FAM168B: variants seen among roughly 807,000 people sequenced by gnomAD.
The protein encoded by FAM168B is myelin-associated neurite-outgrowth inhibitor.
In FAM168B, 19 loss-of-function variants were observed where a neutral mutation model predicts 21.8. That is an observed-to-expected ratio of 0.87 (90% confidence interval 0.61 to 1.28). FAM168B has a LOEUF of 1.28. Ranked by LOEUF, FAM168B falls within the 50% of genes most tolerant of loss-of-function variation. The pLI is 0.00. For synonymous variants in FAM168B, 126 were observed against 104.8 expected (o/e 1.20, Z -1.24); for missense variants, 233 against 263.1 (o/e 0.89, Z 0.79).
At chr2:131,065,675 G>A (rs1424683362) in intron 3 of FAM168B, among the ~76,000 whole-genome samples, 2 of 151,762 alleles carry the variant, frequency 1.3e-5, no homozygotes, top group Non-Finnish European at 2.9e-5. Context: ...TGTAATTCCA[G>A]CTTCTCAGGA....
chr2:131,067,355 T>C (rs1201372305), intron 3 of FAM168B, among the ~76,000 whole-genome samples: 1 of 152,184 alleles, frequency 6.6e-6, no homozygotes, highest in African/African-American at 2.4e-5. Flanking sequence ...ACGTGGCATT[T>C]GGATTACAAA....
At chr2:131,055,884 CGT>C (rs1274747861) in intron 3 of FAM168B, among the ~76,000 whole-genome samples, 189 bp from the exon 4 acceptor site, 2 of 152,042 alleles carry the variant, frequency 1.3e-5, no homozygotes, top group African/African-American at 2.4e-5. Flanking sequence ...TGTGCATGCA[CGT>C]GTGTGTGGTG....
In FAM168B at chr2:131,082,561, A is replaced by G; in HGVS notation, c.70+16T>C. 6.3e-7 allele frequency: 1 copy of G among 1,575,264 alleles called. No homozygotes were observed. The highest frequency in any genetic ancestry group is 8.6e-7 in the Non-Finnish European group (1 of 1,158,732). The stretch of plus-strand genomic sequence containing the variant: ...ATTCAAAGTTCAAAAATGAAAACAA[A>G]ATTTTACTTACTTACCTGGATAACC... On this transcript the variant is annotated intron_variant, in intron 2 of 6. Coordinates refer to ENST00000389915, the MANE Select transcript of FAM168B (RefSeq NM_001009993.4).
At chr2:131,085,080 G>C (rs968526378) in intron 1 of FAM168B, among the ~76,000 whole-genome samples, 1 of 152,154 alleles carries the variant, frequency 6.6e-6, no homozygotes, top group East Asian at 1.9e-4. Context: ...GATTAAAACA[G>C]CATGTGTGGG....
chr2:131,051,113 G>C lies in FAM168B; in HGVS notation c.*1352C>G. 1 of 985,420 alleles carries C rather than the reference G, an allele frequency of 1.0e-6. No individual in the cohort carries two copies. Among genetic ancestry groups the C allele is most frequent in the African/African-American group, 1.7e-5 (1 of 57,332 alleles). The allele number at this position is 985,420 out of a possible 1,614,324, so 61.0% of individuals were successfully genotyped here. A position where few individuals can be genotyped will look rare whatever the true frequency, so the allele number is the denominator to read the frequency against. On this transcript the variant is annotated 3_prime_UTR_variant, in exon 7 of 7. Transcript: ENST00000389915. The stretch of plus-strand genomic sequence containing the variant: ...CCAGCACTGCCTGGCCCTCTCTGCT[G>C]TCTGTGCTTGCTTTGTGCCAAGTGC...
chr2:131,090,151 C>CAAAAAAAAAA (rs59428455), intron 1 of FAM168B, among the ~76,000 whole-genome samples: 26 of 118,552 alleles, frequency 2.2e-4, no homozygotes, highest in Non-Finnish European at 2.7e-4. Context: ...ACCAAAAATA[C>CAAAAAAAAAA]AAAAAAAAAA....
intron 3 of FAM168B, among the ~76,000 whole-genome samples, chr2:131,056,663 T>A (rs1692038455): frequency 6.6e-6 from 1 of 152,134 alleles, no homozygotes; most frequent in Non-Finnish European, 1.5e-5. Flanking sequence ...GATCAAAAGC[T>A]GGCAATGGCC....
chr2:131,070,320 C>T (rs1226963857), intron 3 of FAM168B, among the ~76,000 whole-genome samples: 1 of 152,176 alleles, frequency 6.6e-6, no homozygotes, highest in African/African-American at 2.4e-5. Context: ...CAAAGACATA[C>T]AGAAGGCAAA....
At chr2:131,053,077 T>A (rs918147025) in intron 5 of FAM168B, 62 bp from the exon 6 acceptor site, 1 of 1,486,942 alleles carries the variant, frequency 6.7e-7, no homozygotes, top group Non-Finnish European at 9.0e-7. Flanking sequence ...CACTGCCTGA[T>A]ACGCACACAA....
chr2:131,061,638 AGGCTTGGT>A (rs1281790917), intron 3 of FAM168B, among the ~76,000 whole-genome samples: 1 of 152,140 alleles, frequency 6.6e-6, no homozygotes, highest in East Asian at 1.9e-4. Flanking sequence ...AAAGTTAGCC[AGGCTTGGT>A]GGCCACACGA....
At chr2:131,076,776 C>T (rs916826779) in intron 2 of FAM168B, among the ~76,000 whole-genome samples, 1 of 152,012 alleles carries the variant, frequency 6.6e-6, no homozygotes, top group African/African-American at 2.4e-5. Flanking sequence ...AGACAAAGGG[C>T]TAGTACACTT....
At chr2:131,079,852 C>A (rs1693344512) in intron 2 of FAM168B, among the ~76,000 whole-genome samples, 2 of 152,134 alleles carry the variant, frequency 1.3e-5, no homozygotes, top group Admixed American at 1.3e-4. Flanking sequence ...AGCAGTGGCT[C>A]ACGCTTGTAA....
chr2:131,086,180 A>G (rs983123131), intron 1 of FAM168B, among the ~76,000 whole-genome samples: 1 of 152,180 alleles, frequency 6.6e-6, no homozygotes, highest in Non-Finnish European at 1.5e-5. Flanking sequence ...GGGTCTGCAA[A>G]TACTTCACCT....
intron 2 of FAM168B, among the ~76,000 whole-genome samples, chr2:131,073,697 A>C (rs766181354): frequency 4.5e-4 from 68 of 152,290 alleles, no homozygotes; most frequent in Non-Finnish European, 8.1e-4. Flanking sequence ...AGAGCCTAAT[A>C]AATTTCTGTT....
chr2:131,079,497 C>T (rs1479735195), intron 2 of FAM168B, among the ~76,000 whole-genome samples: 1 of 152,062 alleles, frequency 6.6e-6, no homozygotes, highest in African/African-American at 2.4e-5. Flanking sequence ...ACAAAAGACA[C>T]ACAGGAGAGG....
intron 1 of FAM168B, among the ~76,000 whole-genome samples, chr2:131,092,318 T>G (rs1271122165): frequency 6.6e-6 from 1 of 152,182 alleles, no homozygotes; most frequent in African/African-American, 2.4e-5. Flanking sequence ...TAGAATAGCC[T>G]TACACTGCTC....
At chr2:131,079,329 G>A (rs773291094) in intron 2 of FAM168B, among the ~76,000 whole-genome samples, 37 of 152,262 alleles carry the variant, frequency 2.4e-4, no homozygotes, top group African/African-American at 5.3e-4. Flanking sequence ...TTAGTCGGGC[G>A]TGGTGGCACG....
chr2:131,088,965 CT>C (rs34730768), intron 1 of FAM168B, among the ~76,000 whole-genome samples: 318 of 139,860 alleles, frequency 2.3e-3, no homozygotes, highest in Middle Eastern at 3.7e-3. Flanking sequence ...GAGCGTACCA[CT>C]TTTTTTTTTT....
chr2:131,090,061 T>C (rs1159363703), intron 1 of FAM168B, among the ~76,000 whole-genome samples: 8 of 145,136 alleles, frequency 5.5e-5, no homozygotes, highest in Admixed American at 2.8e-4. Context: ...GGCTCACGCC[T>C]GTAATCCCAG....
Sources: gnomAD v4.1 joint callset for allele counts (sites outside exome capture counted in the v4.1 genomes callset) on GRCh38, gnomAD v4.1.1 for gene constraint, MANE v1.5 for transcripts, NCBI Gene and HGNC (gene_info 2026-07-23, HGNC 2026-07-21) for gene names.